ZFAND1: variants seen among roughly 807,000 people sequenced by gnomAD.
ZFAND1 encodes the protein AN1-type zinc finger protein 1.
ZFAND1 carries 40 observed loss-of-function variants against 38.5 expected under a neutral mutation model. The ratio of observed to expected loss-of-function variants is 1.04; its 90% CI spans 0.81 to 1.35. The LOEUF is 1.35. Ranked by LOEUF, ZFAND1 falls within the 40% of genes most tolerant of loss-of-function variation. The pLI, the probability that ZFAND1 is intolerant of heterozygous loss-of-function variation, is 0.00. For missense variants in ZFAND1, 346 were observed against 316.3 expected (o/e 1.09, Z -0.71); for synonymous variants, 117 against 103.6 (o/e 1.13, Z -0.78).
chr8:81,713,283 T>G (rs796484577), intron 6 of ZFAND1, among the ~76,000 whole-genome samples: 1,607 of 32,652 alleles, frequency 0.049, 11 homozygotes, highest in Non-Finnish European at 0.082. Context: ...CCACCACACC[T>G]GGCTAATTTT....
At chr8:81,720,335 ATAT>A (rs1808433971) in intron 1 of ZFAND1, among the ~76,000 whole-genome samples, 1 of 152,202 alleles carries the variant, frequency 6.6e-6, no homozygotes, top group South Asian at 2.1e-4. Flanking sequence ...GCCCATTGCC[ATAT>A]TATTAACTAA....
chr8:81,714,038 A>G lies in ZFAND1; in HGVS notation c.360T>C (p.Asp120=). The change falls in exon 6 of 8, where the codon GAT becomes GAC. Residue 120 remains aspartate, a splice_region_variant and synonymous_variant. Coordinates refer to ENST00000220669, the MANE Select transcript of ZFAND1 (RefSeq NM_024699.3). ...TACTTGCTGTTTCTCCTGTCTTGGA[A>G]TCTAAGAAGTGTAAGCATGTAATCA... ...ATQKLVKDII[D]SKTGETASKR... The G allele has an allele frequency of 6.2e-7, 1 of 1,604,130 alleles. No individual in the cohort carries two copies. Among genetic ancestry groups the G allele is most frequent in the Non-Finnish European group, 8.5e-7 (1 of 1,176,918 alleles).
At position 81,715,094 on chromosome 8, in the gene ZFAND1, T is replaced by C; in HGVS notation, c.159A>G (p.Arg53=). ...AAGATGTATGTTGATCTGTCTTCAGTCTCTCATTGATTACAGTCACCTGAA... is the reference window on the plus strand; with the variant it reads ...AAGATGTATGTTGATCTGTCTTCAGCCTCTCATTGATTACAGTCACCTGAA... ...GCPEVTVINE[R]LKTDQHTSYP... The change falls in exon 4 of 8, where the codon AGA becomes AGG. Residue 53 remains arginine, a synonymous_variant. Transcript: ENST00000220669. 6.2e-7 allele frequency: 1 copy of C among 1,613,948 alleles called. No homozygotes were observed.
chr8:81,719,982 A>G (rs1207877551), intron 1 of ZFAND1, among the ~76,000 whole-genome samples: 1 of 152,216 alleles, frequency 6.6e-6, no homozygotes, highest in African/African-American at 2.4e-5. Context: ...ATAGATGGCT[A>G]TAAGTAACAA....
rs1382253631 is a variant in ZFAND1 at position 81,703,056 on chromosome 8, A to G, written c.549T>C (p.Phe183=). 2 of 1,580,196 alleles carry G rather than the reference A, an allele frequency of 1.3e-6. No homozygotes were observed. The stretch of plus-strand genomic sequence containing the variant: ...CCTTTCCAATGCTCCATCGGTGGCA[A>G]AAGAACATTGGTTTGCTCTTCTCTT... ...GSKEKSKPMF[F]CHRWSIGKAI... Residue 183 remains phenylalanine (F), a synonymous_variant, in exon 7 of 8, where the codon TTT becomes TTC. Transcript: ENST00000220669.
intron 6 of ZFAND1, among the ~76,000 whole-genome samples, chr8:81,712,792 C>T (rs755192637): frequency 1.3e-5 from 2 of 152,152 alleles, no homozygotes; most frequent in Non-Finnish European, 2.9e-5. Flanking sequence ...TCAACTCTCT[C>T]TAATCTCAAA....
chr8:81,705,115 C>A (rs1171636676), intron 6 of ZFAND1, among the ~76,000 whole-genome samples: 1 of 152,118 alleles, frequency 6.6e-6, no homozygotes, highest in East Asian at 1.9e-4. Flanking sequence ...AAGTATAAAG[C>A]TCCTGGGTCA....
chr8:81,704,941 T>C (rs2130387596), intron 6 of ZFAND1, among the ~76,000 whole-genome samples: 1 of 147,184 alleles, frequency 6.8e-6, no homozygotes, highest in Non-Finnish European at 1.5e-5. Flanking sequence ...ATTGATAAGA[T>C]ATAGCCTTAT....
chr8:81,708,714 T>C (rs1808051782), intron 6 of ZFAND1: 1 of 1,067,274 alleles, frequency 9.4e-7, no homozygotes, highest in African/African-American at 1.7e-5. Flanking sequence ...CTGGAAACCA[T>C]GGAGAAAAAG....
At chr8:81,714,691 A>C (rs930952656) in intron 5 of ZFAND1, 113 bp downstream of exon 5, 2 of 848,098 alleles carry the variant, frequency 2.4e-6, no homozygotes, top group African/African-American at 3.4e-5. Context: ...AATACAAGTT[A>C]ATACGAATAC....
chr8:81,704,212 C>A (rs1807902253), intron 6 of ZFAND1, among the ~76,000 whole-genome samples: 1 of 152,004 alleles, frequency 6.6e-6, no homozygotes. Context: ...TCTTATCTGC[C>A]CTCTCCTTAT....
intron 5 of ZFAND1, 189 bp downstream of exon 5, chr8:81,714,615 A>ATAATTTCC (rs973640090): frequency 8.5e-5 from 48 of 565,154 alleles, no homozygotes; most frequent in African/African-American, 5.9e-4. Context: ...GTACCTCCAA[A>ATAATTTCC]TAATTTCCAA....
At position 81,721,264 on chromosome 8, in the gene ZFAND1, G is replaced by T; in HGVS notation, c.18C>A (p.Ile6=). The change falls in exon 1 of 8, where the codon ATC becomes ATA. Residue 6 remains isoleucine (I), a synonymous_variant. Coordinates refer to ENST00000220669, the MANE Select transcript of ZFAND1 (RefSeq NM_024699.3). MAELD[I]GQHCQVEHCR... is the part of the protein sequence containing the mutation. Reference sequence around the variant, plus strand: ...AATGCTCCACCTGGCAGTGCTGCCCGATGTCCAACTCCGCCATCTCTCCGG... The same window carrying T: ...AATGCTCCACCTGGCAGTGCTGCCCTATGTCCAACTCCGCCATCTCTCCGG... 6.5e-7 allele frequency: 1 copy of T among 1,549,268 alleles called. No homozygotes were observed. Among genetic ancestry groups the T allele is most frequent in the South Asian group, 1.2e-5 (1 of 84,046 alleles).
At chr8:81,714,661 T>C (rs1283196227) in intron 5 of ZFAND1, 143 bp downstream of exon 5, 1 of 720,104 alleles carries the variant, frequency 1.4e-6, no homozygotes, top group Non-Finnish European at 2.3e-6. Context: ...TAAGAAATAC[T>C]GTCACAAGAA....
chr8:81,720,146 G>A (rs991262588), intron 1 of ZFAND1, among the ~76,000 whole-genome samples: 1 of 152,152 alleles, frequency 6.6e-6, no homozygotes, highest in Non-Finnish European at 1.5e-5. Context: ...AGTTCCAAGG[G>A]GAGATTAAAC....
chr8:81,708,898 C>A, intron 6 of ZFAND1: 2 of 665,384 alleles, frequency 3.0e-6, no homozygotes, highest in South Asian at 2.0e-5. Context: ...AAAACTAGAG[C>A]CACAAAACTA....
In ZFAND1 at chr8:81,714,058, T is replaced by C; in HGVS notation, c.359-19A>G. ...TTGGAATCTAAGAAGTGTAAGCATG[T>C]AATCACATAAAACTTTCACATTACA... is the stretch of plus-strand genomic sequence containing the variant. On this transcript the variant is annotated intron_variant, in intron 5 of 7. Transcript: ENST00000220669. 1 of 1,573,128 alleles carries C rather than the reference T, an allele frequency of 6.4e-7. No individual in the cohort carries two copies. Among genetic ancestry groups the C allele is most frequent in the Non-Finnish European group, 8.6e-7 (1 of 1,165,228 alleles).
chr8:81,709,763 T>C (rs2130407131), intron 6 of ZFAND1, among the ~76,000 whole-genome samples: 1 of 152,296 alleles, frequency 6.6e-6, no homozygotes, highest in Admixed American at 6.5e-5. Flanking sequence ...TGATATATTG[T>C]TAAGTGTGTG....
intron 6 of ZFAND1, among the ~76,000 whole-genome samples, chr8:81,705,220 C>A (rs1317020641): frequency 1.3e-5 from 2 of 152,024 alleles, no homozygotes; most frequent in Middle Eastern, 3.2e-3. Flanking sequence ...TATAAAATTG[C>A]CAGACAGGGA....
Sources: gnomAD v4.1 joint callset for allele counts (sites outside exome capture counted in the v4.1 genomes callset) on GRCh38, gnomAD v4.1.1 for gene constraint, MANE v1.5 for transcripts, NCBI Gene and HGNC (gene_info 2026-07-23, HGNC 2026-07-21) for gene names.